The following NFIA variants were observed in gnomAD, a reference collection of about 807,000 sequenced individuals.
NFIA encodes the protein nuclear factor I A, also known as nuclear factor 1 A-type.
A neutral mutation model predicts 62.8 loss-of-function variants in NFIA; 8 were observed. The observed-to-expected ratio is 0.13, with a 90% CI of 0.07 to 0.23. The LOEUF (loss-of-function observed/expected upper bound fraction) is 0.23. Among genes scored for constraint, NFIA ranks in the 10% least tolerant of loss-of-function variants. The pLI, the probability that NFIA is intolerant of heterozygous loss-of-function variation, is 1.00. For missense variants in NFIA, 410 were observed against 642.1 expected (o/e 0.64, Z 3.91); for synonymous variants, 235 against 238.1 (o/e 0.99, Z 0.12).
At chr1:61,164,179 C>G (rs569475174) in intron 2 of NFIA, among the ~76,000 whole-genome samples, 9 of 151,866 alleles carry the variant, frequency 5.9e-5, no homozygotes, top group Non-Finnish European at 1.2e-4. Context: ...AATTTAGACA[C>G]TTTCCATTTT....
At chr1:61,246,376 T>C (rs1300215175) in intron 2 of NFIA, among the ~76,000 whole-genome samples, 1 of 152,188 alleles carries the variant, frequency 6.6e-6, no homozygotes, top group Non-Finnish European at 1.5e-5. Flanking sequence ...ATCTTGGATT[T>C]GTACTAACCT....
At chr1:61,183,669 C>T (rs1407028709) in intron 2 of NFIA, among the ~76,000 whole-genome samples, 1 of 152,186 alleles carries the variant, frequency 6.6e-6, no homozygotes, top group African/African-American at 2.4e-5. Flanking sequence ...TTGTGTCTGG[C>T]AGCCACACAG....
At chr1:61,414,361 G>A (rs1171905548) in intron 9 of NFIA, among the ~76,000 whole-genome samples, 1 of 152,120 alleles carries the variant, frequency 6.6e-6, no homozygotes, top group Admixed American at 6.5e-5. Flanking sequence ...TCTCTTGTTA[G>A]CCAGATTGAG....
At chr1:61,312,349 GATAACAAC>G (rs1372613814) in intron 3 of NFIA, among the ~76,000 whole-genome samples, 1 of 152,174 alleles carries the variant, frequency 6.6e-6, no homozygotes, top group African/African-American at 2.4e-5. Flanking sequence ...TAAAAACACA[GATAACAAC>G]ATTGCTCCAG....
At chr1:61,291,115 C>A (rs1429756045) in intron 3 of NFIA, among the ~76,000 whole-genome samples, 5 of 152,184 alleles carry the variant, frequency 3.3e-5, no homozygotes, top group Admixed American at 1.3e-4. Flanking sequence ...TAGCCTTTAA[C>A]TTTATCTTAG....
At chr1:61,324,776 T>C (rs1364459600) in intron 3 of NFIA, among the ~76,000 whole-genome samples, 1 of 152,212 alleles carries the variant, frequency 6.6e-6, no homozygotes, top group African/African-American at 2.4e-5. Flanking sequence ...GCATTTTCCA[T>C]AATAACTGCT....
At chr1:61,168,089 T>C (rs1318077339) in intron 2 of NFIA, among the ~76,000 whole-genome samples, 5 of 152,192 alleles carry the variant, frequency 3.3e-5, no homozygotes, top group African/African-American at 1.2e-4. Flanking sequence ...GCTTTTTTTG[T>C]GTTACTTTAG....
At chr1:61,248,542 G>A (rs1445887917) in intron 2 of NFIA, among the ~76,000 whole-genome samples, 1 of 152,166 alleles carries the variant, frequency 6.6e-6, no homozygotes, top group African/African-American at 2.4e-5. Flanking sequence ...TTTGTTTGGA[G>A]CACAGCTGCT....
chr1:61,417,366 C>T (rs920238707), intron 9 of NFIA, among the ~76,000 whole-genome samples: 2 of 144,730 alleles, frequency 1.4e-5, no homozygotes, highest in East Asian at 2.0e-4. Flanking sequence ...TATGCCTTTT[C>T]GTACTCAAAA....
In NFIA at chr1:61,088,580, C is replaced by T. The variant is rs767328822; in HGVS notation, c.459C>T (p.Ser153=). The change falls in exon 2 of 11, where the codon TCC becomes TCT. Residue 153 remains serine (S), a synonymous_variant. Coordinates refer to ENST00000403491, the MANE Select transcript of NFIA (RefSeq NM_001134673.4). This position sits in a 1 kb window ranked among gnomAD's most constrained non-coding sequence, Gnocchi z 4.5. Reference sequence around the variant, plus strand: ...CTGATGGCGAGCGCCTTGTAAAGTCCCCACAATGCTCTAATCCAGGGCTCT... The same window carrying T: ...CTGATGGCGAGCGCCTTGTAAAGTCTCCACAATGCTCTAATCCAGGGCTCT... The part of the protein sequence containing the change: ...ESTDGERLVK[S]PQCSNPGLCV... 6.2e-7 allele frequency: 1 copy of T among 1,613,998 alleles called. No homozygotes were observed. Among genetic ancestry groups the T allele is most frequent in the Non-Finnish European group, 8.5e-7 (1 of 1,180,016 alleles).
chr1:61,393,315 G>A (rs1341187968), intron 7 of NFIA, among the ~76,000 whole-genome samples: 7 of 13,182 alleles, frequency 5.3e-4, no homozygotes, highest in Admixed American at 3.3e-3. Flanking sequence ...CTCTCTCCCC[G>A]TCTCTCCCCC....
intron 2 of NFIA, among the ~76,000 whole-genome samples, chr1:61,268,751 A>C (rs1657331532): frequency 6.6e-6 from 1 of 152,212 alleles, no homozygotes; most frequent in African/African-American, 2.4e-5. Context: ...TAAGGAGACA[A>C]GACTGTATTT....
intron 3 of NFIA, among the ~76,000 whole-genome samples, chr1:61,311,473 A>G (rs1280601884): frequency 6.6e-6 from 1 of 152,186 alleles, no homozygotes; most frequent in African/African-American, 2.4e-5. Flanking sequence ...CCTCAGCACC[A>G]TTGACATTTT....
chr1:61,273,148 G>A (rs888715719), intron 2 of NFIA, among the ~76,000 whole-genome samples: 2 of 152,184 alleles, frequency 1.3e-5, no homozygotes, highest in African/African-American at 4.8e-5. Context: ...CCTTTATCAA[G>A]AAATTCACAA....
At chr1:61,220,424 C>A (rs896456224) in intron 2 of NFIA, among the ~76,000 whole-genome samples, 1 of 152,158 alleles carries the variant, frequency 6.6e-6, no homozygotes, top group Middle Eastern at 3.2e-3. Context: ...AACTCAATAG[C>A]AATTCAGGCC....
At position 61,404,231 on chromosome 1, in the gene NFIA, A is replaced by C; in HGVS notation, c.1203A>C (p.Gln401His). Reference protein sequence around the residue: ...HPQETLKEFVQLVCPDAGQQA... With the variant: ...HPQETLKEFVHLVCPDAGQQA... ...AGGAGACGCTGAAAGAATTTGTCCAACTTGTCTGCCCTGATGCTGGTCAGC... is the reference window on the plus strand; with the variant it reads ...AGGAGACGCTGAAAGAATTTGTCCACCTTGTCTGCCCTGATGCTGGTCAGC... Residue 401 changes from glutamine (Q) to histidine (H), a missense_variant, in exon 8 of 11, where the codon CAA becomes CAC. Physicochemically the swap from Gln to His is conservative, Grantham distance 24 (BLOSUM62 0). Around this residue, in one of 3 missense-constraint regions of NFIA, gnomAD observed 298 missense variants for 438.1 expected, o/e 0.68. Transcript: ENST00000403491. 1 of 1,614,204 alleles carries C rather than the reference A, an allele frequency of 6.2e-7. No homozygotes were observed. The highest frequency in any genetic ancestry group is 8.5e-7 in the Non-Finnish European group (1 of 1,180,030).
At chr1:61,117,305 A>G (rs941642516) in intron 2 of NFIA, among the ~76,000 whole-genome samples, 1 of 152,154 alleles carries the variant, frequency 6.6e-6, no homozygotes, top group Non-Finnish European at 1.5e-5. Context: ...GAGGTTATGG[A>G]TATAAATCCC....
chr1:61,440,523 A>G (rs1336584961), intron 10 of NFIA, among the ~76,000 whole-genome samples: 1 of 152,204 alleles, frequency 6.6e-6, no homozygotes, highest in Non-Finnish European at 1.5e-5. Context: ...ACGTTCTTTT[A>G]AGATGAAGAG....
intron 2 of NFIA, among the ~76,000 whole-genome samples, chr1:61,252,435 A>G (rs1656104394): frequency 6.6e-6 from 1 of 152,242 alleles, no homozygotes; most frequent in Non-Finnish European, 1.5e-5. Context: ...TCAAAATGGA[A>G]AAGTTTTATT....
Sources: allele counts gnomAD v4.1 joint callset (sites outside exome capture counted in the v4.1 genomes callset), GRCh38; gene constraint gnomAD v4.1.1; regional missense constraint gnomAD v4.1.1; non-coding constraint Gnocchi (gnomAD v3.1); transcripts MANE v1.5; gene names NCBI Gene and HGNC (gene_info 2026-07-23, HGNC 2026-07-21).